The following SLC2A12 variants were observed in gnomAD, a reference collection of about 807,000 sequenced individuals.
SLC2A12 encodes the protein solute carrier family 2, facilitated glucose transporter member 12.
SLC2A12 carries 23 observed loss-of-function variants against 41.8 expected under a neutral mutation model. The ratio of observed to expected loss-of-function variants is 0.55; its 90% confidence interval spans 0.40 to 0.78. SLC2A12 has a LOEUF of 0.78. Among genes scored for constraint, SLC2A12 ranks in the 30% least tolerant of loss-of-function variants. The pLI is 0.00. For synonymous variants in SLC2A12, 295 were observed against 285.9 expected (o/e 1.03, Z -0.32); for missense variants, 654 against 745.6 (o/e 0.88, Z 1.43).
intron 1 of SLC2A12, 93 bp from the exon 2 acceptor site, chr6:134,029,814 T>G: frequency 6.9e-7 from 1 of 1,441,810 alleles, no homozygotes. Flanking sequence ...GTAGAAGTCT[T>G]TCATAGCACT....
At chr6:134,049,662 T>C (rs1487991338) in intron 1 of SLC2A12, among the ~76,000 whole-genome samples, 2 of 151,720 alleles carry the variant, frequency 1.3e-5, no homozygotes, top group Non-Finnish European at 2.9e-5. Context: ...GCTGAAAAAA[T>C]TTACTAAAAA....
At chr6:134,012,841 C>G (rs1776906232) in intron 2 of SLC2A12, among the ~76,000 whole-genome samples, 1 of 152,064 alleles carries the variant, frequency 6.6e-6, no homozygotes, top group Non-Finnish European at 1.5e-5. Context: ...AATGGTGGTG[C>G]ATGCCTGTAG....
At chr6:134,009,193 T>A (rs1035669316) in intron 2 of SLC2A12, 13 of 150,988 alleles carry the variant, frequency 8.6e-5, no homozygotes, top group African/African-American at 3.2e-4. Context: ...CTAGAAAAAC[T>A]CGAGATCCAC....
intron 4 of SLC2A12, 130 bp downstream of exon 4, chr6:134,001,867 G>C: frequency 1.0e-6 from 1 of 974,304 alleles, no homozygotes; most frequent in Non-Finnish European, 1.4e-6. Context: ...CTGAGACATA[G>C]TCTTACGCTA....
intron 1 of SLC2A12, among the ~76,000 whole-genome samples, chr6:134,044,898 C>A (rs1777435777): frequency 6.6e-6 from 1 of 152,088 alleles, no homozygotes; most frequent in South Asian, 2.1e-4. Flanking sequence ...GAACTATGTG[C>A]CAGCACTGTC....
At position 133,989,804 on chromosome 6, in the gene SLC2A12, T is replaced by A. The variant is rs577378861; in HGVS notation, c.*1351A>T. Reference sequence around the variant, plus strand: ...ATTGGGACAGTTTGTTAGGAACCAATAGGAAAATTCCAAGCTAAATAAAAA... The same window carrying A: ...ATTGGGACAGTTTGTTAGGAACCAAAAGGAAAATTCCAAGCTAAATAAAAA... On this transcript the variant is annotated 3_prime_UTR_variant, in exon 5 of 5. Transcript: ENST00000275230. 1 of 152,216 alleles carries A rather than the reference T, an allele frequency of 6.6e-6. No homozygotes were observed. The highest frequency in any genetic ancestry group is 1.5e-5 in the Non-Finnish European group (1 of 68,018). The allele number at this position is 152,216 out of a possible 1,614,324, so 9.4% of individuals were successfully genotyped here.
intron 1 of SLC2A12, among the ~76,000 whole-genome samples, chr6:134,038,278 C>T (rs1331752678): frequency 2.0e-5 from 3 of 151,448 alleles, no homozygotes; most frequent in African/African-American, 4.9e-5. Context: ...CATGTTAGTA[C>T]TCCCCTGTGC....
At chr6:134,027,381 A>C (rs1777128141) in intron 2 of SLC2A12, among the ~76,000 whole-genome samples, 1 of 152,122 alleles carries the variant, frequency 6.6e-6, no homozygotes, top group South Asian at 2.1e-4. Context: ...TGAACCTCCA[A>C]TGTTTCCCAT....
chr6:134,035,912 C>T (rs191629823), intron 1 of SLC2A12, among the ~76,000 whole-genome samples: 5 of 152,322 alleles, frequency 3.3e-5, no homozygotes, highest in Admixed American at 3.3e-4. Context: ...AAGGGTGCCA[C>T]GAGACTGTAG....
In SLC2A12 at chr6:134,029,071, C is replaced by T; in HGVS notation, c.754G>A (p.Val252Met). The T allele has an allele frequency of 1.2e-6, 2 of 1,614,232 alleles. No homozygotes were observed. Among genetic ancestry groups the T allele is most frequent in the Non-Finnish European group, 1.7e-6 (2 of 1,180,028 alleles). ...TCATCTTTCAGGGAGGATTTGATCA[C>T]AGTGAGTTCCTCAGTTGTATCTGAG... ...ALSDTTEELT[V>M]IKSSLKDEYQ... Residue 252 changes from valine (V) to methionine (M), a missense_variant, in exon 2 of 5, where the codon GTG (valine) becomes ATG (methionine). This residue lies in a region of SLC2A12 where 411 missense variants were observed against 412.1 expected (regional missense o/e 1.00). Transcript: ENST00000275230.
intron 4 of SLC2A12, 29 bp downstream of exon 4, chr6:134,001,968 G>A: frequency 6.3e-7 from 1 of 1,599,786 alleles, no homozygotes; most frequent in Non-Finnish European, 8.5e-7. Flanking sequence ...AAAGAGTATT[G>A]TTCAGAAACC....
chr6:134,047,010 C>T (rs1777464140), intron 1 of SLC2A12, among the ~76,000 whole-genome samples: 1 of 152,112 alleles, frequency 6.6e-6, no homozygotes, highest in Admixed American at 6.5e-5. Context: ...GGGGATGTCA[C>T]GTTCAGTGAC....
chr6:134,006,894 G>A lies in SLC2A12; in HGVS notation c.1485C>T (p.Ile495=), dbSNP rs1250521914. The change falls in exon 3 of 5, where the codon ATC becomes ATT. Residue 495 remains isoleucine (I), a synonymous_variant. Coordinates refer to ENST00000275230, the MANE Select transcript of SLC2A12 (RefSeq NM_145176.3). The stretch of plus-strand genomic sequence containing the variant: ...AAGTTAAAGCCATGGCTCGTCCTCT[G>A]ATCCCACCAGGAAAGATCTCGCTGA... ...LVLSEIFPGG[I]RGRAMALTSS... is the part of the protein sequence containing the mutation. 1.9e-6 allele frequency: 3 copies of A among 1,614,142 alleles called. No individual in the cohort carries two copies. In the Admixed American group the frequency reaches 5.0e-5, roughly 27 times the overall value.
chr6:133,993,629 G>C (rs143467235), intron 4 of SLC2A12, among the ~76,000 whole-genome samples: 4,534 of 152,320 alleles, frequency 0.03, 101 homozygotes, highest in Non-Finnish European at 0.043. Context: ...AGTAGACCAA[G>C]TAAAATGTAG....
intron 3 of SLC2A12, among the ~76,000 whole-genome samples, chr6:134,006,110 T>TA (rs754264699): frequency 9.6e-5 from 14 of 145,302 alleles, no homozygotes; most frequent in Admixed American, 7.2e-4. Flanking sequence ...GGCCGGAGGT[T>TA]ACAGTGAGCC....
At chr6:134,010,692 C>A (rs979325277) in intron 2 of SLC2A12, among the ~76,000 whole-genome samples, 1 of 152,166 alleles carries the variant, frequency 6.6e-6, no homozygotes, top group South Asian at 2.1e-4. Flanking sequence ...ATCAAGGCTG[C>A]CTATCAGAAC....
chr6:133,992,666 A>G (rs1213173738), intron 4 of SLC2A12, among the ~76,000 whole-genome samples: 1 of 152,040 alleles, frequency 6.6e-6, no homozygotes, highest in Non-Finnish European at 1.5e-5. Flanking sequence ...GTAAAGGGAG[A>G]AGGGGAAATG....
intron 1 of SLC2A12, among the ~76,000 whole-genome samples, chr6:134,046,935 A>T (rs887126970): frequency 1.3e-5 from 2 of 151,506 alleles, no homozygotes; most frequent in African/African-American, 4.9e-5. Flanking sequence ...CAGAAAAAAA[A>T]TTTGAATTTA....
intron 3 of SLC2A12, among the ~76,000 whole-genome samples, chr6:134,005,659 TAAAAAAAAAAAAA>T (rs56710009): frequency 9.2e-4 from 60 of 64,972 alleles, no homozygotes; most frequent in South Asian, 2.0e-3. Flanking sequence ...GACTCTGTCT[TAAAAAAAAAAAAA>T]AAAAAAAAAA....
Sources: allele counts gnomAD v4.1 joint callset (sites outside exome capture counted in the v4.1 genomes callset), GRCh38; gene constraint gnomAD v4.1.1; regional missense constraint gnomAD v4.1.1; transcripts MANE v1.5; gene names NCBI Gene and HGNC (gene_info 2026-07-23, HGNC 2026-07-21).